Variants in AHI1 observed in about 807,000 individuals in gnomAD.
AHI1 encodes the protein jouberin.
In AHI1, 123 loss-of-function variants were observed where a neutral mutation model predicts 149.3. That is an observed-to-expected ratio of 0.82 (90% CI 0.71 to 0.96). The LOEUF is 0.96. AHI1 is among the 40% of genes least tolerant of loss of function. The pLI is 0.00. For missense variants in AHI1, 1,439 were observed against 1,422.7 expected (o/e 1.01, Z -0.18); for synonymous variants, 475 against 459.8 (o/e 1.03, Z -0.42).
At chr6:135,438,565 AT>A (rs1785769897) in intron 14 of AHI1, 67 bp from the exon 15 acceptor site, 1 of 1,226,750 alleles carries the variant, frequency 8.2e-7, no homozygotes, top group Non-Finnish European at 1.1e-6. Flanking sequence ...ATACAAATAT[AT>A]AATTTAATAT....
At chr6:135,450,891 G>C (rs1287950525) in intron 11 of AHI1, among the ~76,000 whole-genome samples, 4 of 152,112 alleles carry the variant, frequency 2.6e-5, no homozygotes, top group Non-Finnish European at 5.9e-5. Context: ...CTGAGAATTA[G>C]GATAAAGTCT....
intron 20 of AHI1, among the ~76,000 whole-genome samples, chr6:135,421,944 A>G (rs564068511): frequency 6.6e-6 from 1 of 152,316 alleles, no homozygotes. Flanking sequence ...TTAATGACAT[A>G]ATCTTGTATA....
intron 24 of AHI1, among the ~76,000 whole-genome samples, chr6:135,324,977 C>A (rs1787429107): frequency 6.6e-6 from 1 of 151,962 alleles, no homozygotes; most frequent in African/African-American, 2.4e-5. Context: ...AGCATAGTAT[C>A]TAATTTACAA....
At chr6:135,436,724 C>T (rs1785452196) in intron 15 of AHI1, among the ~76,000 whole-genome samples, 1 of 152,290 alleles carries the variant, frequency 6.6e-6, no homozygotes, top group South Asian at 2.1e-4. Context: ...GCCTCAGCCT[C>T]TGAAGTAGCT....
intron 25 of AHI1, among the ~76,000 whole-genome samples, chr6:135,322,480 T>C (rs909104119): frequency 6.6e-6 from 1 of 152,126 alleles, no homozygotes; most frequent in African/African-American, 2.4e-5. Flanking sequence ...CCTAGCTCTT[T>C]TTTTTTTCAT....
intron 21 of AHI1, among the ~76,000 whole-genome samples, chr6:135,406,053 G>A (rs1377028195): frequency 6.6e-6 from 1 of 152,034 alleles, no homozygotes; most frequent in Non-Finnish European, 1.5e-5. Context: ...GTTATTGGGA[G>A]CATTACCATT....
chr6:135,405,247 T>A (rs1780597797), intron 21 of AHI1, among the ~76,000 whole-genome samples: 1 of 152,074 alleles, frequency 6.6e-6, no homozygotes, highest in Non-Finnish European at 1.5e-5. Flanking sequence ...TGCTCTTCAA[T>A]CAATAGAATA....
intron 14 of AHI1, among the ~76,000 whole-genome samples, chr6:135,441,465 T>C (rs762630098): frequency 1.3e-5 from 2 of 151,902 alleles, no homozygotes; most frequent in African/African-American, 4.9e-5. Context: ...CTGATCTGCA[T>C]ATTCAACAAG....
rs950211564 is a variant in AHI1 at position 135,366,437 on chromosome 6, A to T, written c.3110-8250T>A. Among the ~76,000 whole-genome samples, 11 of 152,036 alleles carry T rather than the reference A, an allele frequency of 7.2e-5. No individual in the cohort carries two copies. The South Asian group carries it at 1.2e-3, about 17-fold the overall frequency. On this transcript the variant is annotated intron_variant, in intron 23 of 28. Transcript: ENST00000265602. ...GTCCTGGACTTATTTTTGATGGCAA[A>T]TTTTTTATTACCATTTCAATCTTTG... is the stretch of plus-strand genomic sequence containing the variant.
intron 23 of AHI1, 99 bp from the exon 24 acceptor site, chr6:135,358,286 T>C: frequency 1.0e-6 from 1 of 998,436 alleles, no homozygotes; most frequent in East Asian, 2.5e-5. Context: ...TTATTATGAC[T>C]CACACAGCTT....
At chr6:135,358,757 T>A (rs1793390339) in intron 23 of AHI1, among the ~76,000 whole-genome samples, 1 of 152,212 alleles carries the variant, frequency 6.6e-6, no homozygotes, top group Admixed American at 6.5e-5. Flanking sequence ...AAATATTCTT[T>A]TATCATGTGT....
chr6:135,428,375 C>T (rs1247420429), intron 19 of AHI1, among the ~76,000 whole-genome samples: 1 of 151,544 alleles, frequency 6.6e-6, no homozygotes, highest in African/African-American at 2.4e-5. Flanking sequence ...CATTATAGGC[C>T]ATGAAAGAAC....
chr6:135,300,631 G>A, intron 26 of AHI1, 73 bp from the exon 27 acceptor site: 1 of 1,546,454 alleles, frequency 6.5e-7, no homozygotes, highest in Non-Finnish European at 8.7e-7. Context: ...TTCACATGCT[G>A]AAAACCCACC....
Position 135,441,534 on chromosome 6 carries a change from TTCCTCTTCCTC to T in AHI1, c.1912+1037_1912+1047del, listed in dbSNP as rs1428497561. 9.6e-3 allele frequency among the ~76,000 whole-genome samples: 1,457 copies of T among 152,280 alleles called. 20 individuals are homozygous for T. Among genetic ancestry groups the T allele is most frequent in the African/African-American group, 0.033 (1,364 of 41,548 alleles). ...AATAGTCAAAAACCAAAGACAAAGA[TTCCTCTTCCTC>T]CTCTATTTTTGAGATTTAAGCAATA... On this transcript the variant is annotated intron_variant, in intron 14 of 28. Transcript: ENST00000265602.
rs113738326 is a variant in AHI1 at position 135,492,772 on chromosome 6, T to C, written c.-54-481A>G. ...AAAATTCTGCTACAATAGAGAAGGATAGTACAAATATTTGCACCATCTTTC... is the reference window on the plus strand; with the variant it reads ...AAAATTCTGCTACAATAGAGAAGGACAGTACAAATATTTGCACCATCTTTC... On this transcript the variant is annotated intron_variant, in intron 3 of 28. Coordinates refer to ENST00000265602, the MANE Select transcript of AHI1 (RefSeq NM_001134831.2). The C allele has an allele frequency of 1.1e-3, 1,104 of 985,352 alleles. 7 individuals carry two copies. In the African/African-American group the frequency reaches 0.017, roughly 16 times the overall value. 61.0% of individuals were successfully genotyped at this position (985,352 alleles called of 1,614,324 possible).
chr6:135,368,058 C>G (rs1048615946), intron 23 of AHI1, among the ~76,000 whole-genome samples: 1 of 152,178 alleles, frequency 6.6e-6, no homozygotes, highest in Non-Finnish European at 1.5e-5. Context: ...TGATGTGGTG[C>G]TCTCCCCATT....
At chr6:135,489,937 G>C in intron 5 of AHI1, 1 of 365,046 alleles carries the variant, frequency 2.7e-6, no homozygotes, top group Non-Finnish European at 4.9e-6. Flanking sequence ...ACAAGAGCCT[G>C]TTTATTTTTT....
intron 23 of AHI1, among the ~76,000 whole-genome samples, chr6:135,382,296 T>G (rs148680105): frequency 3.3e-5 from 5 of 152,360 alleles, no homozygotes; most frequent in Middle Eastern, 3.4e-3. Flanking sequence ...AACACAGTGA[T>G]TCTTTACATT....
intron 23 of AHI1, among the ~76,000 whole-genome samples, chr6:135,370,276 C>A (rs1487534436): frequency 1.3e-5 from 2 of 152,186 alleles, no homozygotes; most frequent in African/African-American, 2.4e-5. Context: ...CCTATTATAA[C>A]TCTCCCCAAA....
Sources: allele counts gnomAD v4.1 joint callset (sites outside exome capture counted in the v4.1 genomes callset), GRCh38; gene constraint gnomAD v4.1.1; transcripts MANE v1.5; gene names NCBI Gene and HGNC (gene_info 2026-07-23, HGNC 2026-07-21).